Variants in SPECC1 observed in about 807,000 individuals in gnomAD.
SPECC1 encodes sperm antigen with calponin homology and coiled-coil domains 1.
Under a neutral mutation model 104.1 loss-of-function variants are expected in SPECC1, and 62 were observed. The observed-to-expected ratio is 0.60, with a 90% CI of 0.49 to 0.74. The LOEUF is 0.74. Ranked by LOEUF, SPECC1 falls within the 30% of genes least tolerant of loss-of-function variation. The pLI, the probability that SPECC1 is intolerant of heterozygous loss-of-function variation, is 0.00. For synonymous variants in SPECC1, 513 were observed against 501.6 expected (o/e 1.02, Z -0.30); for missense variants, 1,306 against 1,310.5 (o/e 1.00, Z 0.05).
intron 1 of SPECC1, among the ~76,000 whole-genome samples, chr17:20,048,584 A>G (rs1464102909): frequency 6.6e-6 from 1 of 151,884 alleles, no homozygotes; most frequent in African/African-American, 2.4e-5. Flanking sequence ...ACTTTAATAG[A>G]AGGGGAGAGT....
At chr17:20,304,694 T>C (rs2041705442) in intron 13 of SPECC1, among the ~76,000 whole-genome samples, 2 of 151,816 alleles carry the variant, frequency 1.3e-5, no homozygotes, top group African/African-American at 4.8e-5. Flanking sequence ...AGAATGGGGG[T>C]AAAATCCAAA....
chr17:20,244,069 C>T (rs1386300316), intron 7 of SPECC1, among the ~76,000 whole-genome samples: 4 of 151,562 alleles, frequency 2.6e-5, no homozygotes, highest in South Asian at 2.1e-4. Context: ...AAAAAAAATA[C>T]GAAAGATTAG....
intron 1 of SPECC1, among the ~76,000 whole-genome samples, chr17:20,062,204 G>C (rs1215275518): frequency 1.4e-5 from 2 of 146,934 alleles, no homozygotes; most frequent in Non-Finnish European, 3.0e-5. Flanking sequence ...GGTAAGCCGA[G>C]ATCACGCCAC....
intron 1 of SPECC1, among the ~76,000 whole-genome samples, chr17:20,089,885 T>C (rs993999445): frequency 3.9e-5 from 6 of 152,116 alleles, no homozygotes; most frequent in Admixed American, 2.0e-4. Flanking sequence ...GTTTTGAGTC[T>C]GGAAGAGCAA....
chr17:20,072,888 T>A (rs903421337), intron 1 of SPECC1, among the ~76,000 whole-genome samples: 18 of 152,196 alleles, frequency 1.2e-4, no homozygotes, highest in African/African-American at 3.6e-4. Context: ...CTTGTTTACC[T>A]TCACAACATT....
chr17:20,297,110 C>T, intron 13 of SPECC1, 33 bp downstream of exon 13: 1 of 1,585,410 alleles, frequency 6.3e-7, no homozygotes, highest in Non-Finnish European at 8.6e-7. Context: ...TGGTTATCCT[C>T]TAAGAAATGC....
intron 2 of SPECC1, among the ~76,000 whole-genome samples, chr17:20,106,109 T>G (rs753865898): frequency 2.6e-5 from 4 of 152,208 alleles, no homozygotes; most frequent in Non-Finnish European, 5.9e-5. Flanking sequence ...GTTATTGCGT[T>G]AAGAATTCCC....
intron 1 of SPECC1, among the ~76,000 whole-genome samples, chr17:20,030,836 CT>C (rs911740050): frequency 5.9e-5 from 9 of 151,784 alleles, no homozygotes; most frequent in East Asian, 3.9e-4. Context: ...CCCCCCAGCC[CT>C]TTTTTTTGTG....
intron 1 of SPECC1, among the ~76,000 whole-genome samples, chr17:20,089,817 C>T (rs2047327846): frequency 6.6e-6 from 1 of 152,150 alleles, no homozygotes; most frequent in Non-Finnish European, 1.5e-5. Context: ...ATCTGCTGGC[C>T]TGGACAGCCG....
chr17:20,204,544 G>A lies in SPECC1; in HGVS notation c.495G>A (p.Ala165=), dbSNP rs752522532. ...AGAATGAAGGTGGAGAAAAGGCTGC[G>A]CTTGAGTCCCAAGTTCGGGAACTTT... ...KQENEGGEKA[A]LESQVRELLA... Residue 165 remains alanine, a synonymous_variant, in exon 4 of 15, where the codon GCG becomes GCA. Coordinates refer to ENST00000395527, the MANE Select transcript of SPECC1 (RefSeq NM_001243439.2). 9 of 1,614,162 alleles carry A rather than the reference G, an allele frequency of 5.6e-6. No individual in the cohort carries two copies. The East Asian group carries it at 8.9e-5, about 16-fold the overall frequency.
intron 1 of SPECC1, among the ~76,000 whole-genome samples, chr17:20,086,466 A>G (rs974763716): frequency 1.1e-4 from 17 of 152,170 alleles, no homozygotes; most frequent in African/African-American, 4.1e-4. Flanking sequence ...CTCATGACTT[A>G]AGGCTTCTGT....
chr17:20,014,061 C>T (rs748059308), intron 1 of SPECC1, among the ~76,000 whole-genome samples: 3 of 151,872 alleles, frequency 2.0e-5, no homozygotes, highest in Non-Finnish European at 2.9e-5. Context: ...TTTTCAGTAC[C>T]GGTTGCACCA....
At chr17:20,141,998 T>G (rs2030862901) in intron 3 of SPECC1, among the ~76,000 whole-genome samples, 1 of 152,212 alleles carries the variant, frequency 6.6e-6, no homozygotes, top group Admixed American at 6.5e-5. Context: ...TTTTCCCCTC[T>G]TTCAGAATAT....
At position 20,212,620 on chromosome 17, in the gene SPECC1, CAT is replaced by C. The variant is rs1159680275; in HGVS notation, c.1863+6709_1863+6710del. ...CCTCCCACTGGGGTCCCTCCCACAACATGTGGGAATACAAGATGAGATTTAGG... is the reference window on the plus strand; with the variant it reads ...CCTCCCACTGGGGTCCCTCCCACAACGTGGGAATACAAGATGAGATTTAGG... On this transcript the variant is annotated intron_variant, in intron 4 of 14. Transcript: ENST00000395527. 5.9e-5 allele frequency among the ~76,000 whole-genome samples: 9 copies of C among 152,296 alleles called. No homozygotes were observed. The East Asian group carries it at 1.5e-3, about 26-fold the overall frequency.
chr17:20,161,287 T>A (rs912343768), intron 3 of SPECC1, among the ~76,000 whole-genome samples: 1 of 152,220 alleles, frequency 6.6e-6, no homozygotes, highest in Non-Finnish European at 1.5e-5. Context: ...CTTTAAATAG[T>A]GTCCTAGGCT....
intron 3 of SPECC1, among the ~76,000 whole-genome samples, chr17:20,169,580 C>G (rs2033927685): frequency 6.6e-6 from 1 of 151,190 alleles, no homozygotes; most frequent in African/African-American, 2.4e-5. Context: ...TTTCTTGGTC[C>G]CTTATTGCGT....
intron 1 of SPECC1, chr17:20,017,205 G>A (rs2108980): frequency 0.51 from 78,079 of 152,066 alleles, 20,602 homozygotes; most frequent in African/African-American, 0.59. Context: ...TGTTTGGAAT[G>A]CGTTCTTATT....
chr17:20,033,969 G>A (rs2044942567), intron 1 of SPECC1, among the ~76,000 whole-genome samples: 1 of 152,154 alleles, frequency 6.6e-6, no homozygotes, highest in Admixed American at 6.5e-5. Flanking sequence ...AACAGCTGTT[G>A]AACTCCACTA....
chr17:20,194,502 A>ATTTTTTTTTTTTTTTTTTTTT lies in SPECC1; in HGVS notation c.284-9828_284-9808dup, dbSNP rs1209589252. Reference sequence around the variant, plus strand: ...TGTGTTCTGTTAGAAAAGAGAACGAATTTTTTTTTTTTTTTTTTTTTTTGA... The same window carrying ATTTTTTTTTTTTTTTTTTTTT: ...TGTGTTCTGTTAGAAAAGAGAACGAATTTTTTTTTTTTTTTTTTTTTTTTTTTTTTTTTTTTTTTTTTTTGA... On this transcript the variant is annotated intron_variant, in intron 3 of 14. Coordinates refer to ENST00000395527, the MANE Select transcript of SPECC1 (RefSeq NM_001243439.2). Among the ~76,000 whole-genome samples the ATTTTTTTTTTTTTTTTTTTTT allele has an allele frequency of 6.8e-4, 59 of 86,492 alleles. 1 individual carries two copies. Among genetic ancestry groups the ATTTTTTTTTTTTTTTTTTTTT allele is most frequent in the Admixed American group, 1.1e-3 (8 of 7,068 alleles). The allele number at this position is 86,492 out of a possible 152,430, so 56.7% of individuals were successfully genotyped here.
Sources: gnomAD v4.1 joint callset for allele counts (sites outside exome capture counted in the v4.1 genomes callset) on GRCh38, gnomAD v4.1.1 for gene constraint, MANE v1.5 for transcripts, NCBI Gene and HGNC (gene_info 2026-07-23, HGNC 2026-07-21) for gene names.